Variants in MED10 observed in about 807,000 individuals in gnomAD.
MED10 encodes mediator of RNA polymerase II transcription subunit 10.
In MED10, 9 loss-of-function variants were observed where a neutral mutation model predicts 17.2. The observed-to-expected ratio is 0.52, with a 90% confidence interval of 0.31 to 0.91. The LOEUF (loss-of-function observed/expected upper bound fraction) is 0.91. Ranked by LOEUF, MED10 falls within the 40% of genes least tolerant of loss-of-function variation. The probability of loss-of-function intolerance (pLI) is 0.04; values close to 1 mark genes in which losing one functional copy is unlikely to be tolerated. For missense variants in MED10, 129 were observed against 164.8 expected (o/e 0.78, Z 1.19); for synonymous variants, 66 against 59.8 (o/e 1.10, Z -0.48).
chr5:6,373,134 T>C (rs1436215171), intron 3 of MED10, among the ~76,000 whole-genome samples: 1 of 152,120 alleles, frequency 6.6e-6, no homozygotes, highest in East Asian at 1.9e-4. Flanking sequence ...GTGTGCTGTT[T>C]ACCACCAGGA....
chr5:6,374,314 A>C lies in MED10; in HGVS notation c.309+10T>G. The C allele has an allele frequency of 1.3e-6, 2 of 1,588,148 alleles. No homozygotes were observed. The highest frequency in any genetic ancestry group is 1.1e-5 in the South Asian group (1 of 90,600). ...TCCCACTGTATTTCTGACACTCCTT[A>C]GAGTCTTACCTTCATGGTGTCGATC... On this transcript the variant is annotated intron_variant, in intron 3 of 3. Coordinates refer to ENST00000255764, the MANE Select transcript of MED10 (RefSeq NM_032286.3).
chr5:6,375,308 AAACT>A (rs556267437), intron 2 of MED10, among the ~76,000 whole-genome samples: 57 of 152,240 alleles, frequency 3.7e-4, no homozygotes, highest in Non-Finnish European at 6.5e-4. Flanking sequence ...CAAAAACTGA[AAACT>A]AACTCTACTT....
chr5:6,377,937 C>A lies in MED10; in HGVS notation c.122+425G>T, dbSNP rs147138384. On this transcript the variant is annotated intron_variant, in intron 1 of 3. Transcript: ENST00000255764. ...TGCGGCAGGTGGCTTCGGAGCCTCA[C>A]CTTCTGAGGCCTAGTTTAGGGCGTG... 3.5e-3 allele frequency among the ~76,000 whole-genome samples: 535 copies of A among 152,336 alleles called. 2 individuals are homozygous for A. The highest frequency in any genetic ancestry group is 0.012 in the African/African-American group (494 of 41,584).
At chr5:6,378,006 A>T (rs1738036086) in intron 1 of MED10, among the ~76,000 whole-genome samples, 2 of 152,226 alleles carry the variant, frequency 1.3e-5, no homozygotes, top group Admixed American at 1.3e-4. Context: ...CAGGGACTGA[A>T]TTCCCAGAAG....
At chr5:6,377,747 ATAT>A (rs376824441) in intron 1 of MED10, among the ~76,000 whole-genome samples, 2 of 152,356 alleles carry the variant, frequency 1.3e-5, no homozygotes, top group African/African-American at 4.8e-5. Context: ...TCCGTGCCAC[ATAT>A]AAAGCCCTTC....
At chr5:6,377,432 C>T (rs1234481389) in intron 1 of MED10, among the ~76,000 whole-genome samples, 183 bp from the exon 2 acceptor site, 8 of 152,194 alleles carry the variant, frequency 5.3e-5, no homozygotes, top group Non-Finnish European at 1.2e-4. Flanking sequence ...GTTAGAGTTA[C>T]AAAATACCCT....
chr5:6,372,520 C>T lies in MED10; in HGVS notation c.391G>A (p.Asp131Asn), dbSNP rs1030521009. ...MAKYRSIRGE[D>N]HPPS is the part of the protein sequence containing the mutation. ...TGAGCTGGTTAAGAAGGCGGGTGAT[C>T]CTCCCCCCGGATGCTTCGATACTTA... The change falls in exon 4 of 4, where the codon GAT becomes AAT. Residue 131 changes from aspartate to asparagine, a missense_variant. Asp to Asn is a conservative substitution (Grantham distance 23). Transcript: ENST00000255764. 5.6e-6 allele frequency: 9 copies of T among 1,613,920 alleles called. No individual in the cohort carries two copies. Among genetic ancestry groups the T allele is most frequent in the African/African-American group, 1.3e-5 (1 of 74,908 alleles).
At chr5:6,373,413 A>T (rs1326909647) in intron 3 of MED10, among the ~76,000 whole-genome samples, 3 of 152,170 alleles carry the variant, frequency 2.0e-5, no homozygotes, top group Non-Finnish European at 4.4e-5. Flanking sequence ...AGAAAAAACA[A>T]AATTAAAAGG....
At chr5:6,374,460 A>C in intron 2 of MED10, 34 bp from the exon 3 acceptor site, 335 of 1,397,036 alleles carry the variant, frequency 2.4e-4, no homozygotes, top group Non-Finnish European at 3.1e-4. Flanking sequence ...TAGCATTCTC[A>C]TGACTGACAC....
intron 2 of MED10, among the ~76,000 whole-genome samples, chr5:6,375,812 C>T (rs1737976627): frequency 6.6e-6 from 1 of 152,220 alleles, no homozygotes; most frequent in South Asian, 2.1e-4. Context: ...CAGATAAACT[C>T]CCAGCATCTG....
chr5:6,372,626 G>A, intron 3 of MED10, 25 bp from the exon 4 acceptor site: 2 of 1,574,788 alleles, frequency 1.3e-6, no homozygotes, highest in Non-Finnish European at 1.7e-6. Context: ...CATTATCAAA[G>A]GAGCTCTTCA....
In MED10 at chr5:6,377,310, C is replaced by G. The variant is rs574160725; in HGVS notation, c.123-61G>C. The G allele has an allele frequency of 3.1e-6, 4 of 1,283,490 alleles. No individual in the cohort carries two copies. The African/African-American group carries it at 4.4e-5, about 14-fold the overall frequency. The allele number at this position is 1,283,490 out of a possible 1,614,324, so 79.5% of individuals were successfully genotyped here. On this transcript the variant is annotated intron_variant, in intron 1 of 3. Transcript: ENST00000255764. The stretch of plus-strand genomic sequence containing the variant: ...TTTCGCTTGACAGCATAAGCACCAC[C>G]CACAGAGCTACCCAGCCAACCGGGG...
Position 6,378,501 on chromosome 5 carries a change from G to C in MED10, c.-18C>G, listed in dbSNP as rs7723985. The C allele has an allele frequency of 1, 1,606,974 of 1,607,632 alleles. 803,159 individuals carry two copies. The highest frequency in any genetic ancestry group is 1 in the Middle Eastern group (6,030 of 6,030). On this transcript the variant is annotated 5_prime_UTR_variant, in exon 1 of 4. Transcript: ENST00000255764. ...TCCGCCATCGCCTCGGCCCGTCCCCGACCCACACAGCCTCAACCAGCAGCG... is the reference window on the plus strand; with the variant it reads ...TCCGCCATCGCCTCGGCCCGTCCCCCACCCACACAGCCTCAACCAGCAGCG...
intron 3 of MED10, among the ~76,000 whole-genome samples, chr5:6,373,714 G>C (rs1236880787): frequency 6.6e-6 from 1 of 152,194 alleles, no homozygotes; most frequent in Non-Finnish European, 1.5e-5. Flanking sequence ...GGCAACAGTC[G>C]CATGGCGCCA....
Position 6,378,544 on chromosome 5 carries a change from C to A in MED10, c.-61G>T. 1 of 1,553,250 alleles carries A rather than the reference C, an allele frequency of 6.4e-7. No individual in the cohort carries two copies. The highest frequency in any genetic ancestry group is 8.7e-7 in the Non-Finnish European group (1 of 1,145,916). On this transcript the variant is annotated 5_prime_UTR_variant, in exon 1 of 4. Coordinates refer to ENST00000255764, the MANE Select transcript of MED10 (RefSeq NM_032286.3). The stretch of plus-strand genomic sequence containing the variant: ...CAGCAGCGCCGCAGGCGTGGCCCTA[C>A]GCTCCCGCTTCCTGCTTCCGTCCGG...
chr5:6,378,309 C>A (rs1036104171), intron 1 of MED10, 53 bp downstream of exon 1: 6 of 1,507,638 alleles, frequency 4.0e-6, no homozygotes, highest in Non-Finnish European at 3.5e-6. Flanking sequence ...CCCTAGCACA[C>A]GCTTCCCGGC....
At chr5:6,373,988 A>G (rs1044497796) in intron 3 of MED10, among the ~76,000 whole-genome samples, 3 of 152,254 alleles carry the variant, frequency 2.0e-5, no homozygotes, top group African/African-American at 7.2e-5. Flanking sequence ...GACTACAGGG[A>G]AAGCCTTCAA....
At chr5:6,378,104 T>G (rs1738038479) in intron 1 of MED10, among the ~76,000 whole-genome samples, 1 of 152,170 alleles carries the variant, frequency 6.6e-6, no homozygotes, top group Admixed American at 6.5e-5. Context: ...TAGGGAAACG[T>G]AAAGTATATC....
chr5:6,373,614 G>A (rs955936089), intron 3 of MED10, among the ~76,000 whole-genome samples: 5 of 151,750 alleles, frequency 3.3e-5, no homozygotes, highest in East Asian at 2.0e-4. Flanking sequence ...TTCCAGAACC[G>A]AAAACCAGGC....
Sources: allele counts gnomAD v4.1 joint callset (sites outside exome capture counted in the v4.1 genomes callset), GRCh38; gene constraint gnomAD v4.1.1; transcripts MANE v1.5; gene names NCBI Gene and HGNC (gene_info 2026-07-23, HGNC 2026-07-21).